Variants in PPARGC1A observed in about 807,000 individuals in gnomAD.
The protein encoded by PPARGC1A is PPARG coactivator 1 alpha, also known as peroxisome proliferator-activated receptor gamma coactivator 1-alpha.
A neutral mutation model predicts 88.7 loss-of-function variants in PPARGC1A; 25 were observed. The ratio of observed to expected loss-of-function variants is 0.28; its 90% confidence interval spans 0.21 to 0.39. The LOEUF is 0.39. PPARGC1A is among the 10% of genes least tolerant of loss of function. The pLI is 1.00. For synonymous variants in PPARGC1A, 363 were observed against 355.6 expected (o/e 1.02, Z -0.24); for missense variants, 880 against 968.7 (o/e 0.91, Z 1.22).
chr4:24,101,846 G>C, the PPARGC1A span, among the ~76,000 whole-genome samples: 2 of 152,176 alleles, frequency 1.3e-5, no homozygotes, highest in African/African-American at 2.4e-5. Context: ...AATACCTACT[G>C]TGTGCTAAGA....
the PPARGC1A span, among the ~76,000 whole-genome samples, chr4:24,144,870 A>G: frequency 6.6e-6 from 1 of 151,870 alleles, no homozygotes; most frequent in Non-Finnish European, 1.5e-5. Flanking sequence ...GGTATTTTGT[A>G]TCTCAGCCAG....
the PPARGC1A span, among the ~76,000 whole-genome samples, chr4:24,275,244 A>G: frequency 1.3e-5 from 2 of 151,986 alleles, no homozygotes; most frequent in Non-Finnish European, 2.9e-5. Flanking sequence ...ACACAGCACA[A>G]CTCTACTGGC....
the PPARGC1A span, among the ~76,000 whole-genome samples, chr4:24,229,782 T>A: frequency 6.6e-6 from 1 of 151,480 alleles, no homozygotes; most frequent in Non-Finnish European, 1.5e-5. Flanking sequence ...GAGGCAGAGA[T>A]TGCAGTGAGC....
the PPARGC1A span, among the ~76,000 whole-genome samples, chr4:24,044,417 C>T: frequency 3.9e-5 from 6 of 152,062 alleles, no homozygotes; most frequent in Admixed American, 3.9e-4. Flanking sequence ...TTAGGAAATA[C>T]AGCATCATTA....
chr4:23,890,465 A>G (rs1717663547), upstream of PPARGC1A, among the ~76,000 whole-genome samples: 1 of 152,146 alleles, frequency 6.6e-6, no homozygotes, highest in South Asian at 2.1e-4. Context: ...TAAAACGTGT[A>G]TTCCCTAAGA....
chr4:23,985,889 A>G, the PPARGC1A span, among the ~76,000 whole-genome samples: 1 of 152,054 alleles, frequency 6.6e-6, no homozygotes. Flanking sequence ...ATGGTAAATT[A>G]ACTTGAAATA....
chr4:24,424,239 G>C, the PPARGC1A span, among the ~76,000 whole-genome samples: 416 of 123,838 alleles, frequency 3.4e-3, 1 homozygote, highest in African/African-American at 0.012. Context: ...TTGTATGAAA[G>C]AGCAATGCTA....
chr4:24,386,346 C>T, the PPARGC1A span, among the ~76,000 whole-genome samples: 25 of 152,290 alleles, frequency 1.6e-4, no homozygotes, highest in South Asian at 8.3e-4. Context: ...CAAGGATGCC[C>T]TCTCTCACCA....
chr4:23,944,869 A>G, the PPARGC1A span, among the ~76,000 whole-genome samples: 2 of 152,184 alleles, frequency 1.3e-5, no homozygotes, highest in African/African-American at 4.8e-5. Context: ...CTGTGAGTCA[A>G]TTAAACCTCT....
chr4:24,382,603 A>C, the PPARGC1A span, among the ~76,000 whole-genome samples: 3 of 152,242 alleles, frequency 2.0e-5, no homozygotes, highest in East Asian at 5.8e-4. Context: ...TAGAACTGAT[A>C]CAAGGTTAAA....
chr4:24,359,216 TC>T, the PPARGC1A span, among the ~76,000 whole-genome samples: 141 of 152,286 alleles, frequency 9.3e-4, 1 homozygote, highest in East Asian at 0.019. Context: ...ATATACAAAA[TC>T]AAATAACTTC....
At chr4:24,272,364 C>A in the PPARGC1A span, among the ~76,000 whole-genome samples, 3 of 152,126 alleles carry the variant, frequency 2.0e-5, no homozygotes, top group Non-Finnish European at 4.4e-5. Flanking sequence ...CCGTGCTCTA[C>A]CCATAATGCC....
At chr4:24,310,791 G>A in the PPARGC1A span, among the ~76,000 whole-genome samples, 2 of 152,268 alleles carry the variant, frequency 1.3e-5, no homozygotes, top group African/African-American at 2.4e-5. Flanking sequence ...TCTGAGATAC[G>A]ATGTGAATTA....
chr4:23,952,179 T>TA, the PPARGC1A span, among the ~76,000 whole-genome samples: 1 of 152,126 alleles, frequency 6.6e-6, no homozygotes, highest in East Asian at 1.9e-4. Flanking sequence ...TAGGAGTCTC[T>TA]AAAAAAGAAT....
At chr4:24,337,587 G>A in the PPARGC1A span, among the ~76,000 whole-genome samples, 1 of 151,492 alleles carries the variant, frequency 6.6e-6, no homozygotes, top group African/African-American at 2.4e-5. Context: ...CAGTCCCTAG[G>A]TGACATCATA....
chr4:23,846,085 A>G (rs1728258361), intron 2 of PPARGC1A, among the ~76,000 whole-genome samples: 1 of 152,230 alleles, frequency 6.6e-6, no homozygotes, highest in Admixed American at 6.5e-5. Context: ...AGGATAAAAA[A>G]GCACGTGTCC....
At chr4:23,878,527 T>C (rs1357617543) in intron 2 of PPARGC1A, among the ~76,000 whole-genome samples, 1 of 152,092 alleles carries the variant, frequency 6.6e-6, no homozygotes, top group Non-Finnish European at 1.5e-5. Context: ...TCAGAACTCC[T>C]GAGCCATATT....
At chr4:24,176,418 G>A in the PPARGC1A span, among the ~76,000 whole-genome samples, 1 of 152,110 alleles carries the variant, frequency 6.6e-6, no homozygotes, top group Admixed American at 6.5e-5. Context: ...AATGGGAGGA[G>A]AAATGGAGGG....
the PPARGC1A span, among the ~76,000 whole-genome samples, chr4:24,413,465 G>A: frequency 6.9e-4 from 105 of 152,272 alleles, 1 homozygote; most frequent in African/African-American, 2.1e-3. Flanking sequence ...AAGAATCCCA[G>A]AGACAAAATC....
Sources: allele counts gnomAD v4.1 joint callset (sites outside exome capture counted in the v4.1 genomes callset), GRCh38; gene constraint gnomAD v4.1.1; transcripts MANE v1.5; gene names NCBI Gene and HGNC (gene_info 2026-07-23, HGNC 2026-07-21).